Variants in PLEKHF2 observed in about 807,000 individuals in gnomAD.
The protein encoded by PLEKHF2 is pleckstrin homology domain-containing family F member 2.
A neutral mutation model predicts 14.7 loss-of-function variants in PLEKHF2; 4 were observed. The ratio of observed to expected loss-of-function variants is 0.27; its 90% confidence interval spans 0.13 to 0.62. The LOEUF (loss-of-function observed/expected upper bound fraction) is 0.62, where lower values mean the gene tolerates loss of function less well. Ranked by LOEUF, PLEKHF2 falls within the 20% of genes least tolerant of loss-of-function variation. The pLI is 0.85. For missense variants in PLEKHF2, 201 were observed against 307.7 expected (o/e 0.65, Z 2.60); for synonymous variants, 90 against 103.5 (o/e 0.87, Z 0.79).
At chr8:95,144,384 G>A (rs1254932939) in intron 1 of PLEKHF2, among the ~76,000 whole-genome samples, 1 of 152,040 alleles carries the variant, frequency 6.6e-6, no homozygotes, top group Non-Finnish European at 1.5e-5. Flanking sequence ...TCATAGCTTT[G>A]CCTTTTACTT....
intron 1 of PLEKHF2, among the ~76,000 whole-genome samples, chr8:95,134,833 G>T (rs1197559685): frequency 2.0e-5 from 3 of 152,108 alleles, no homozygotes; most frequent in Admixed American, 6.5e-5. Context: ...CTTCTTTGTC[G>T]TGTTGTGTAG....
At chr8:95,151,302 C>T (rs1587309804) in intron 1 of PLEKHF2, among the ~76,000 whole-genome samples, 2 of 151,620 alleles carry the variant, frequency 1.3e-5, no homozygotes, top group South Asian at 2.1e-4. Context: ...GAGTTAATAA[C>T]GATATGTTCA....
At chr8:95,138,362 C>A (rs1218350022) in intron 1 of PLEKHF2, among the ~76,000 whole-genome samples, 1 of 92,346 alleles carries the variant, frequency 1.1e-5, no homozygotes, top group Non-Finnish European at 2.0e-5. Flanking sequence ...TTCCCCCCCC[C>A]CCCGCCCCTT....
At chr8:95,147,981 CTG>C (rs1481660620) in intron 1 of PLEKHF2, among the ~76,000 whole-genome samples, 2 of 151,824 alleles carry the variant, frequency 1.3e-5, no homozygotes, top group Non-Finnish European at 2.9e-5. Flanking sequence ...AAACCTTAGA[CTG>C]TGAGTCTTCA....
At chr8:95,142,553 C>T (rs1477778368) in intron 1 of PLEKHF2, among the ~76,000 whole-genome samples, 5 of 152,214 alleles carry the variant, frequency 3.3e-5, no homozygotes, top group African/African-American at 1.2e-4. Context: ...TATGCCCAAG[C>T]TATTTTTTAG....
At chr8:95,150,574 G>C (rs1375579903) in intron 1 of PLEKHF2, among the ~76,000 whole-genome samples, 12 of 152,108 alleles carry the variant, frequency 7.9e-5, no homozygotes, top group African/African-American at 2.9e-4. Context: ...CCCAAACCTT[G>C]CTTAAGTTGC....
chr8:95,144,647 A>G (rs186230731), intron 1 of PLEKHF2, among the ~76,000 whole-genome samples: 76 of 152,250 alleles, frequency 5.0e-4, no homozygotes, highest in African/African-American at 1.8e-3. Context: ...CGGGTGGATC[A>G]CCTGAGGTCA....
At chr8:95,153,280 G>A (rs1161642522) in intron 1 of PLEKHF2, among the ~76,000 whole-genome samples, 2 of 152,124 alleles carry the variant, frequency 1.3e-5, no homozygotes, top group Non-Finnish European at 2.9e-5. Flanking sequence ...AAGTCTCGAA[G>A]GATGAATATG....
At chr8:95,150,904 G>A (rs1369168113) in intron 1 of PLEKHF2, among the ~76,000 whole-genome samples, 1 of 152,082 alleles carries the variant, frequency 6.6e-6, no homozygotes, top group Non-Finnish European at 1.5e-5. Flanking sequence ...ACAGCCTTGG[G>A]CAAGTTATTT....
At chr8:95,135,183 C>T (rs1186183225) in intron 1 of PLEKHF2, among the ~76,000 whole-genome samples, 2 of 152,114 alleles carry the variant, frequency 1.3e-5, no homozygotes, top group Non-Finnish European at 2.9e-5. Flanking sequence ...GACTAAGCTT[C>T]AGAAGAAAAT....
rs191294465 is a variant in PLEKHF2 at position 95,145,645 on chromosome 8, C to T, written c.-14-8386C>T. Among the ~76,000 whole-genome samples the T allele has an allele frequency of 2.4e-3, 364 of 152,144 alleles. 2 individuals are homozygous for T. Among genetic ancestry groups the T allele is most frequent in the African/African-American group, 8.3e-3 (345 of 41,522 alleles). On this transcript the variant is annotated intron_variant, in intron 1 of 1. Coordinates refer to ENST00000315367, the MANE Select transcript of PLEKHF2 (RefSeq NM_024613.4). ...TTCACCGTGTTAGCCAGGATGGTCT[C>T]GATCTCCTGACCTTGTGATCTGCCC...
chr8:95,137,366 C>G (rs1041477515), intron 1 of PLEKHF2, among the ~76,000 whole-genome samples: 1 of 152,228 alleles, frequency 6.6e-6, no homozygotes, highest in Non-Finnish European at 1.5e-5. Flanking sequence ...ATACCTAGTT[C>G]AGTTTTCAGC....
At chr8:95,134,791 A>G (rs1236958460) in intron 1 of PLEKHF2, among the ~76,000 whole-genome samples, 2 of 152,186 alleles carry the variant, frequency 1.3e-5, no homozygotes, top group East Asian at 3.9e-4. Flanking sequence ...TCGGTAATTC[A>G]TAGACTCACA....
chr8:95,142,588 G>A (rs1309309408), intron 1 of PLEKHF2, among the ~76,000 whole-genome samples: 1 of 152,172 alleles, frequency 6.6e-6, no homozygotes, highest in Admixed American at 6.5e-5. Context: ...TTTCTTTACA[G>A]CTGTCAGCAC....
At chr8:95,135,340 T>C (rs1391149271) in intron 1 of PLEKHF2, among the ~76,000 whole-genome samples, 1 of 152,226 alleles carries the variant, frequency 6.6e-6, no homozygotes, top group African/African-American at 2.4e-5. Flanking sequence ...TTTTTAGATC[T>C]AAAAATACAG....
At chr8:95,151,711 C>A (rs112390271) in intron 1 of PLEKHF2, among the ~76,000 whole-genome samples, 1 of 151,898 alleles carries the variant, frequency 6.6e-6, no homozygotes, top group African/African-American at 2.4e-5. Context: ...GTCACATACT[C>A]AAGTATGATC....
chr8:95,147,510 G>T (rs2132109102), intron 1 of PLEKHF2, among the ~76,000 whole-genome samples: 1 of 152,058 alleles, frequency 6.6e-6, no homozygotes, highest in South Asian at 2.1e-4. Flanking sequence ...ACTCATTCTA[G>T]TGTGCAGTTA....
rs559914916 is a variant in PLEKHF2, at chr8:95,141,727, A to G, written c.-15+7697A>G. Among the ~76,000 whole-genome samples the G allele has an allele frequency of 3.4e-5, 5 of 146,366 alleles. No homozygotes were observed. The South Asian group carries it at 6.5e-4, about 19-fold the overall frequency. On this transcript the variant is annotated intron_variant, in intron 1 of 1. Coordinates refer to ENST00000315367, the MANE Select transcript of PLEKHF2 (RefSeq NM_024613.4). ...TTTGTTTTTTTTTTTTTTTTGGTAG[A>G]GACGGGGTTTCACTGTTGGCCAGGC... is the stretch of plus-strand genomic sequence containing the variant.
intron 1 of PLEKHF2, among the ~76,000 whole-genome samples, chr8:95,136,298 C>G (rs1810374978): frequency 1.3e-5 from 2 of 151,474 alleles, no homozygotes; most frequent in Admixed American, 1.3e-4. Flanking sequence ...ATGCCATCAA[C>G]TCCATTAAAT....
Sources: allele counts gnomAD v4.1 joint callset (sites outside exome capture counted in the v4.1 genomes callset), GRCh38; gene constraint gnomAD v4.1.1; transcripts MANE v1.5; gene names NCBI Gene and HGNC (gene_info 2026-07-23, HGNC 2026-07-21).